Variants in SERPINI1 observed in about 807,000 individuals in gnomAD.
The protein encoded by SERPINI1 is neuroserpin.
A neutral mutation model predicts 41.1 loss-of-function variants in SERPINI1; 19 were observed. The observed-to-expected ratio is 0.46, with a 90% confidence interval of 0.32 to 0.68. The LOEUF (loss-of-function observed/expected upper bound fraction) is 0.68, where lower values mean the gene tolerates loss of function less well. SERPINI1 is among the 30% of genes least tolerant of loss of function. The probability of loss-of-function intolerance (pLI) is 0.03; values close to 1 mark genes in which losing one functional copy is unlikely to be tolerated. For synonymous variants in SERPINI1, 138 were observed against 156.6 expected (o/e 0.88, Z 0.89); for missense variants, 460 against 479.2 (o/e 0.96, Z 0.37).
At chr3:167,787,850 G>A (rs1727365094) in intron 1 of SERPINI1, among the ~76,000 whole-genome samples, 1 of 152,208 alleles carries the variant, frequency 6.6e-6, no homozygotes, top group Non-Finnish European at 1.5e-5. Flanking sequence ...GCAGTTCTCT[G>A]AAATTGGAGT....
chr3:167,777,154 C>G (rs1726989246), intron 1 of SERPINI1, among the ~76,000 whole-genome samples: 1 of 152,084 alleles, frequency 6.6e-6, no homozygotes, highest in Admixed American at 6.5e-5. Context: ...ATTTTCCATC[C>G]ACTGACATCC....
At chr3:167,817,866 T>A (rs1458418299) in intron 6 of SERPINI1, among the ~76,000 whole-genome samples, 2 of 152,074 alleles carry the variant, frequency 1.3e-5, no homozygotes, top group Non-Finnish European at 2.9e-5. Context: ...CCCAAAGTGC[T>A]GGGATTACAG....
chr3:167,815,901 A>G (rs1277298017), intron 6 of SERPINI1, among the ~76,000 whole-genome samples: 1 of 101,222 alleles, frequency 9.9e-6, no homozygotes, highest in Non-Finnish European at 2.4e-5. Context: ...CATTCTCCTT[A>G]CTCTTTTACT....
chr3:167,743,461 C>T (rs1431225013), intron 1 of SERPINI1, among the ~76,000 whole-genome samples: 2 of 152,048 alleles, frequency 1.3e-5, no homozygotes, highest in African/African-American at 4.8e-5. Flanking sequence ...CTATAAAACT[C>T]TCATAATCAA....
At chr3:167,773,808 A>G (rs182202374) in intron 1 of SERPINI1, among the ~76,000 whole-genome samples, 32 of 152,348 alleles carry the variant, frequency 2.1e-4, no homozygotes, top group Non-Finnish European at 4.1e-4. Flanking sequence ...TTTAAAAAAC[A>G]AAACAGTAAA....
chr3:167,756,673 T>G (rs1007011934), intron 1 of SERPINI1, among the ~76,000 whole-genome samples: 1 of 152,192 alleles, frequency 6.6e-6, no homozygotes, highest in South Asian at 2.1e-4. Flanking sequence ...AAAAGATAAG[T>G]CATCTTTTTT....
At chr3:167,776,501 C>T (rs1020496939) in intron 1 of SERPINI1, among the ~76,000 whole-genome samples, 2 of 152,094 alleles carry the variant, frequency 1.3e-5, no homozygotes, top group African/African-American at 4.8e-5. Context: ...CCTGAAGACA[C>T]GGAATTTGGT....
At chr3:167,743,225 C>T (rs542527929) in intron 1 of SERPINI1, among the ~76,000 whole-genome samples, 50 of 152,118 alleles carry the variant, frequency 3.3e-4, no homozygotes, top group African/African-American at 1.2e-3. Context: ...AGAGGAGAGC[C>T]TACTCTAAAA....
At chr3:167,790,286 C>G (rs1428403195) in intron 2 of SERPINI1, 86 bp from the exon 3 acceptor site, 1 of 1,007,808 alleles carries the variant, frequency 9.9e-7, no homozygotes, top group East Asian at 2.4e-5. Flanking sequence ...GTTAATCTCC[C>G]TTGCTGTGCT....
rs1216881670 is a variant in SERPINI1, at chr3:167,798,454, C to T, written c.881+3630C>T. Among the ~76,000 whole-genome samples the T allele has an allele frequency of 2.6e-5, 4 of 152,138 alleles. No homozygotes were observed. The East Asian group carries it at 7.7e-4, about 29-fold the overall frequency. The stretch of plus-strand genomic sequence containing the variant: ...ATGTTACAATAATCAGTGTGAAACT[C>T]TCCACCTTCTCCATTTTACAGCATT... On this transcript the variant is annotated intron_variant, in intron 5 of 8. Transcript: ENST00000446050.
intron 1 of SERPINI1, among the ~76,000 whole-genome samples, chr3:167,779,897 A>C (rs776244034): frequency 1.3e-5 from 2 of 152,134 alleles, no homozygotes; most frequent in African/African-American, 2.4e-5. Flanking sequence ...GGAGAGGCAA[A>C]AGAAAGAGAA....
intron 1 of SERPINI1, among the ~76,000 whole-genome samples, chr3:167,751,289 T>C (rs759894773): frequency 1.3e-5 from 2 of 152,346 alleles, no homozygotes; most frequent in Admixed American, 6.5e-5. Flanking sequence ...TGCAGACTTC[T>C]GAGTTTGTCA....
chr3:167,825,471 A>T lies in SERPINI1; in HGVS notation c.*148A>T. 1 of 641,952 alleles carries T rather than the reference A, an allele frequency of 1.6e-6. No individual in the cohort carries two copies. Among genetic ancestry groups the T allele is most frequent in the South Asian group, 1.9e-5 (1 of 53,244 alleles). 39.8% of individuals were successfully genotyped at this position (641,952 alleles called of 1,614,324 possible). A position where few individuals can be genotyped will look rare whatever the true frequency, so the allele number is the denominator to read the frequency against. On this transcript the variant is annotated 3_prime_UTR_variant, in exon 9 of 9. Coordinates refer to ENST00000446050, the MANE Select transcript of SERPINI1 (RefSeq NM_001122752.2). Reference sequence around the variant, plus strand: ...AAACAATATATGTAAATTATAAGTAACTTGTCAAGGAATGTTATCAGTATT... The same window carrying T: ...AAACAATATATGTAAATTATAAGTATCTTGTCAAGGAATGTTATCAGTATT...
chr3:167,803,530 C>T (rs1183902548), intron 5 of SERPINI1, among the ~76,000 whole-genome samples: 1 of 152,092 alleles, frequency 6.6e-6, no homozygotes. Context: ...TATGATCTAA[C>T]CTTATTTAAT....
intron 1 of SERPINI1, among the ~76,000 whole-genome samples, chr3:167,774,046 T>TA (rs35866475): frequency 0.13 from 19,421 of 151,862 alleles, 1,493 homozygotes; most frequent in African/African-American, 0.21. Flanking sequence ...AGTTTTTTTC[T>TA]AAAAAAAAGA....
At chr3:167,787,405 G>A (rs1234614385) in intron 1 of SERPINI1, among the ~76,000 whole-genome samples, 1 of 152,242 alleles carries the variant, frequency 6.6e-6, no homozygotes, top group African/African-American at 2.4e-5. Context: ...TTGCAGTACA[G>A]TAGGTTTGTT....
chr3:167,778,124 T>C (rs1234889520), intron 1 of SERPINI1, among the ~76,000 whole-genome samples: 2 of 152,220 alleles, frequency 1.3e-5, no homozygotes, highest in East Asian at 1.9e-4. Flanking sequence ...TATTCTATTA[T>C]AGCAACAGAA....
chr3:167,736,618 A>G (rs1162803418), intron 1 of SERPINI1, among the ~76,000 whole-genome samples: 1 of 152,172 alleles, frequency 6.6e-6, no homozygotes, highest in East Asian at 1.9e-4. Flanking sequence ...CTCTGGGTAG[A>G]GAGTATGTGC....
chr3:167,748,794 T>C, intron 1 of SERPINI1, among the ~76,000 whole-genome samples: 1 of 120,438 alleles, frequency 8.3e-6, no homozygotes, highest in East Asian at 2.2e-4. Context: ...GTGTGTGTGT[T>C]AACTGTATCT....
Sources: allele counts gnomAD v4.1 joint callset (sites outside exome capture counted in the v4.1 genomes callset), GRCh38; gene constraint gnomAD v4.1.1; transcripts MANE v1.5; gene names NCBI Gene and HGNC (gene_info 2026-07-23, HGNC 2026-07-21).